Variants in TOP6BL observed in about 807,000 individuals in gnomAD.
The protein encoded by TOP6BL is type 2 DNA topoisomerase 6 subunit B-like.
At chr11:66,778,070 C>CTTTGTG in the TOP6BL span, among the ~76,000 whole-genome samples, 1 of 150,332 alleles carries the variant, frequency 6.7e-6, no homozygotes, top group Non-Finnish European at 1.5e-5. Flanking sequence ...GTTTTCTGAA[C>CTTTGTG]TTTGTGTCTT....
the TOP6BL span, chr11:66,800,716 G>A: frequency 1.1e-5 from 17 of 1,568,750 alleles, no homozygotes; most frequent in East Asian, 3.8e-4. Flanking sequence ...TAGGTCTATG[G>A]CTTAAGATGA....
At chr11:66,756,349 TCA>T in the TOP6BL span, 1 of 1,192,852 alleles carries the variant, frequency 8.4e-7, no homozygotes, top group Admixed American at 3.3e-5. Context: ...TTTTTTTTTC[TCA>T]GGATGGAGTC....
chr11:66,823,778 C>T, the TOP6BL span, among the ~76,000 whole-genome samples: 2 of 152,134 alleles, frequency 1.3e-5, no homozygotes, highest in African/African-American at 4.8e-5. Flanking sequence ...GATCACCCCA[C>T]TGCACTCCAG....
At chr11:66,777,828 C>A in the TOP6BL span, among the ~76,000 whole-genome samples, 1 of 152,098 alleles carries the variant, frequency 6.6e-6, no homozygotes, top group South Asian at 2.1e-4. Context: ...GCCAAGATCA[C>A]ACCACTGCAC....
At chr11:66,812,334 G>A in the TOP6BL span, among the ~76,000 whole-genome samples, 1 of 152,004 alleles carries the variant, frequency 6.6e-6, no homozygotes, top group Non-Finnish European at 1.5e-5. Context: ...CCGCCACTAC[G>A]CCCGGCTAAT....
At chr11:66,792,948 A>G in the TOP6BL span, among the ~76,000 whole-genome samples, 1 of 152,334 alleles carries the variant, frequency 6.6e-6, no homozygotes, top group Non-Finnish European at 1.5e-5. Context: ...AACATTTTAT[A>G]CTAAAATTTT....
the TOP6BL span, among the ~76,000 whole-genome samples, chr11:66,831,012 A>G: frequency 6.6e-6 from 1 of 152,244 alleles, no homozygotes; most frequent in Non-Finnish European, 1.5e-5. Flanking sequence ...AGATAAAGAC[A>G]TAAGATGCCC....
the TOP6BL span, among the ~76,000 whole-genome samples, chr11:66,819,724 G>A: frequency 2.6e-5 from 4 of 152,028 alleles, no homozygotes; most frequent in African/African-American, 4.8e-5. Context: ...CCAACATGGC[G>A]AAACCCCGTC....
At chr11:66,758,810 A>G in the TOP6BL span, among the ~76,000 whole-genome samples, 2 of 152,108 alleles carry the variant, frequency 1.3e-5, no homozygotes, top group Non-Finnish European at 2.9e-5. Flanking sequence ...TGGATGTTGA[A>G]TATAGGTGAA....
chr11:66,792,767 T>C, the TOP6BL span, among the ~76,000 whole-genome samples: 1 of 152,212 alleles, frequency 6.6e-6, no homozygotes, highest in African/African-American at 2.4e-5. Flanking sequence ...CTCTCTCCAG[T>C]AGTTGCTCAA....
At chr11:66,766,563 T>C in the TOP6BL span, among the ~76,000 whole-genome samples, 1 of 152,214 alleles carries the variant, frequency 6.6e-6, no homozygotes, top group South Asian at 2.1e-4. Context: ...GTGTGATTAG[T>C]ACTGTAATGG....
the TOP6BL span, among the ~76,000 whole-genome samples, chr11:66,777,558 C>G: frequency 6.6e-6 from 1 of 152,146 alleles, no homozygotes; most frequent in African/African-American, 2.4e-5. Context: ...TTAACTTGAT[C>G]AAAGTCTGTG....
chr11:66,841,984 G>A, the TOP6BL span, among the ~76,000 whole-genome samples: 3 of 152,084 alleles, frequency 2.0e-5, no homozygotes, highest in African/African-American at 4.8e-5. Context: ...GAGCTGGGGC[G>A]GGAGGACAGC....
At chr11:66,751,252 C>T in the TOP6BL span, among the ~76,000 whole-genome samples, 1,393 of 152,128 alleles carry the variant, frequency 9.2e-3, 18 homozygotes, top group Non-Finnish European at 0.01. Flanking sequence ...AGTGCAGTGG[C>T]GCCAGGATCT....
the TOP6BL span, among the ~76,000 whole-genome samples, chr11:66,807,714 T>A: frequency 6.6e-6 from 1 of 152,064 alleles, no homozygotes; most frequent in Non-Finnish European, 1.5e-5. Flanking sequence ...CCTGGAGCAG[T>A]TTGCCAATTA....
At chr11:66,799,934 A>G in the TOP6BL span, among the ~76,000 whole-genome samples, 1 of 152,068 alleles carries the variant, frequency 6.6e-6, no homozygotes, top group Non-Finnish European at 1.5e-5. Context: ...TGCAAAAAGT[A>G]GCTGGGTGTA....
chr11:66,765,684 T>G, the TOP6BL span, among the ~76,000 whole-genome samples: 1 of 152,080 alleles, frequency 6.6e-6, no homozygotes, highest in Non-Finnish European at 1.5e-5. Flanking sequence ...GCCAGCTAAT[T>G]TTTATATTTT....
the TOP6BL span, among the ~76,000 whole-genome samples, chr11:66,824,865 G>C: frequency 6.6e-6 from 1 of 151,932 alleles, no homozygotes; most frequent in African/African-American, 2.4e-5. Flanking sequence ...ATTTGGGTTG[G>C]TTCCAAGTCT....
At chr11:66,769,842 G>C in the TOP6BL span, among the ~76,000 whole-genome samples, 2 of 151,846 alleles carry the variant, frequency 1.3e-5, no homozygotes, top group African/African-American at 4.8e-5. Context: ...CCGGGTTCAT[G>C]CCATTCTCCT....
Sources: gnomAD v4.1 joint callset for allele counts (sites outside exome capture counted in the v4.1 genomes callset) on GRCh38, gnomAD v4.1.1 for gene constraint, MANE v1.5 for transcripts, NCBI Gene and HGNC (gene_info 2026-07-23, HGNC 2026-07-21) for gene names.